The following RAD51B variants were observed in gnomAD, a reference collection of about 807,000 sequenced individuals.
RAD51B encodes RAD51 paralog B.
In RAD51B, 38 loss-of-function variants were observed where a neutral mutation model predicts 42.2. The observed-to-expected ratio is 0.90, with a 90% CI of 0.70 to 1.18. RAD51B has a LOEUF of 1.18. Among genes scored for constraint, RAD51B ranks in the 50% most tolerant of loss-of-function variants. The pLI is 0.00. For missense variants in RAD51B, 373 were observed against 400.7 expected (o/e 0.93, Z 0.59); for synonymous variants, 154 against 145.2 (o/e 1.06, Z -0.43).
intron 8 of RAD51B, among the ~76,000 whole-genome samples, chr14:68,408,975 A>G (rs536434521): frequency 6.6e-6 from 1 of 152,274 alleles, no homozygotes; most frequent in South Asian, 2.1e-4. Context: ...AGAGAAAAAA[A>G]AAATAGGTTA....
downstream of RAD51B, among the ~76,000 whole-genome samples, chr14:68,597,007 C>T (rs114333703): frequency 7.8e-3 from 1,186 of 152,278 alleles, 9 homozygotes; most frequent in African/African-American, 0.027. Flanking sequence ...TTAGAAAATT[C>T]GTTCCCTTGT....
chr14:68,239,476 CTACT>C (rs889185447), intron 7 of RAD51B, among the ~76,000 whole-genome samples: 1 of 152,198 alleles, frequency 6.6e-6, no homozygotes, highest in African/African-American at 2.4e-5. Flanking sequence ...GCCTCAGCCT[CTACT>C]TCCCAAAAAG....
At chr14:68,398,730 C>T (rs118157541) in intron 8 of RAD51B, among the ~76,000 whole-genome samples, 119 of 152,298 alleles carry the variant, frequency 7.8e-4, no homozygotes, top group Non-Finnish European at 1.4e-3. Context: ...GGCTAAAGGG[C>T]ATTCTCCAGA....
In RAD51B at chr14:68,315,716, G is replaced by A. The variant is rs367564980; in HGVS notation, c.853+23736G>A. ...TTTTTGTATTTTTAGTAGAGACAGG[G>A]TTTCACCATGTTAGCCAGGATAGTC... On this transcript the variant is annotated intron_variant, in intron 8 of 10. Transcript: ENST00000471583. 5.1e-3 allele frequency among the ~76,000 whole-genome samples: 782 copies of A among 152,176 alleles called. 10 individuals carry two copies. Among genetic ancestry groups the A allele is most frequent in the African/African-American group, 0.018 (750 of 41,506 alleles).
intron 7 of RAD51B, among the ~76,000 whole-genome samples, chr14:67,960,878 A>C (rs2074649859): frequency 6.6e-6 from 1 of 152,150 alleles, no homozygotes. Flanking sequence ...TTTGTGGCCC[A>C]GGCTGGTCTG....
intron 7 of RAD51B, among the ~76,000 whole-genome samples, chr14:68,289,630 C>A (rs1483820367): frequency 6.6e-6 from 1 of 151,896 alleles, no homozygotes. Context: ...AGGAGAAATG[C>A]TTGAACCTGG....
At chr14:67,947,684 A>T (rs542930356) in intron 7 of RAD51B, among the ~76,000 whole-genome samples, 29 of 152,314 alleles carry the variant, frequency 1.9e-4, no homozygotes, top group African/African-American at 6.5e-4. Flanking sequence ...TTGGGAGATG[A>T]CTTAAGAACA....
intron 7 of RAD51B, among the ~76,000 whole-genome samples, chr14:68,060,406 T>C (rs1003551739): frequency 3.9e-5 from 6 of 152,228 alleles, no homozygotes; most frequent in African/African-American, 7.2e-5. Context: ...TGCTTCCCAG[T>C]GAGCTGCAGC....
At chr14:67,969,855 G>A (rs2074862049) in intron 7 of RAD51B, among the ~76,000 whole-genome samples, 2 of 152,106 alleles carry the variant, frequency 1.3e-5, no homozygotes, top group Non-Finnish European at 2.9e-5. Flanking sequence ...TAATCAATTA[G>A]ACCACTAGTA....
At chr14:68,123,438 C>T (rs1176079360) in intron 7 of RAD51B, among the ~76,000 whole-genome samples, 1 of 152,076 alleles carries the variant, frequency 6.6e-6, no homozygotes, top group African/African-American at 2.4e-5. Context: ...GCAGTCTTCC[C>T]ACCTTGGCCT....
At chr14:68,122,519 G>A (rs997728329) in intron 7 of RAD51B, among the ~76,000 whole-genome samples, 46 of 152,128 alleles carry the variant, frequency 3.0e-4, no homozygotes, top group African/African-American at 1.1e-3. Flanking sequence ...TCATATTATT[G>A]AAGATAAAGA....
rs369795831 is a variant in RAD51B, at chr14:68,526,583, G to A, written c.1036+58333G>A. On this transcript the variant is annotated intron_variant, in intron 10 of 10. Coordinates refer to the RAD51B transcript ENST00000487270. ...GCTCCAGTGTGTCACAGCCAGATGAGTGATTGTTAGGGAAGACAAAGCCTG... is the reference window on the plus strand; with the variant it reads ...GCTCCAGTGTGTCACAGCCAGATGAATGATTGTTAGGGAAGACAAAGCCTG... Among the ~76,000 whole-genome samples, 15 of 152,330 alleles carry A rather than the reference G, an allele frequency of 9.8e-5. No individual in the cohort carries two copies. In the South Asian group the frequency reaches 2.9e-3, roughly 29 times the overall value.
intron 10 of RAD51B, among the ~76,000 whole-genome samples, chr14:68,607,371 G>A (rs1023132803): frequency 2.0e-5 from 3 of 152,158 alleles, no homozygotes; most frequent in African/African-American, 7.2e-5. Flanking sequence ...ATGGAAAAAT[G>A]CGTGGCAAAC....
Position 67,887,907 on chromosome 14 carries a change from T to C in RAD51B, c.756+703T>C, listed in dbSNP as rs567150227. ...CTCCCATCTGCAGTGTGTCAGGGAG[T>C]TTTAGTCGTTGTTCCACAGCCTCAT... On this transcript the variant is annotated intron_variant, in intron 7 of 10. Coordinates refer to ENST00000471583, the MANE Select transcript of RAD51B (RefSeq NM_133510.4). Among the ~76,000 whole-genome samples the C allele has an allele frequency of 6.6e-4, 100 of 152,130 alleles. No individual in the cohort carries two copies. The Middle Eastern group carries it at 0.031, about 47-fold the overall frequency.
At chr14:67,934,615 G>T (rs973779882) in intron 7 of RAD51B, among the ~76,000 whole-genome samples, 2 of 152,056 alleles carry the variant, frequency 1.3e-5, no homozygotes, top group Non-Finnish European at 2.9e-5. Flanking sequence ...TGTAGAGTAT[G>T]TTAAATAATA....
chr14:68,592,283 GTGTA>G lies in RAD51B; in HGVS notation c.1037-2198_1037-2195del, dbSNP rs758560517. Among the ~76,000 whole-genome samples the G allele has an allele frequency of 8.7e-4, 128 of 147,848 alleles. 1 individual carries two copies. The highest frequency in any genetic ancestry group is 3.1e-3 in the African/African-American group (122 of 39,642). On this transcript the variant is annotated intron_variant, in intron 10 of 10. Transcript: ENST00000487270. ...TGTGTGTGTGTGTGTGTGTGTGTGTGTGTATGTGTGTGTATCAAAGAGAGGAGTC... is the reference window on the plus strand; with the variant it reads ...TGTGTGTGTGTGTGTGTGTGTGTGTGTGTGTGTGTATCAAAGAGAGGAGTC...
At chr14:68,495,325 C>T (rs1428754474) in intron 10 of RAD51B, among the ~76,000 whole-genome samples, 2 of 152,106 alleles carry the variant, frequency 1.3e-5, no homozygotes, top group Non-Finnish European at 2.9e-5. Context: ...CCTTTGTCTT[C>T]CACTGGCGCA....
At chr14:68,546,409 G>A (rs1786935797) in intron 10 of RAD51B, among the ~76,000 whole-genome samples, 1 of 152,190 alleles carries the variant, frequency 6.6e-6, no homozygotes, top group Non-Finnish European at 1.5e-5. Flanking sequence ...AGGAGACAGG[G>A]TAGGAACCTT....
rs142988444 is a variant in RAD51B, at chr14:68,255,587, C to T, written c.757-36297C>T. On this transcript the variant is annotated intron_variant, in intron 7 of 10. Transcript: ENST00000471583. ...TACAGTCATTTCTTTGAGATTAGTT[C>T]GAAAGTATATATATTCATGGACAAA... 1.6e-4 allele frequency among the ~76,000 whole-genome samples: 24 copies of T among 152,236 alleles called. No individual in the cohort carries two copies. In the East Asian group the frequency reaches 2.1e-3, roughly 13 times the overall value.
Sources: gnomAD v4.1 joint callset for allele counts (sites outside exome capture counted in the v4.1 genomes callset) on GRCh38, gnomAD v4.1.1 for gene constraint, MANE v1.5 for transcripts, NCBI Gene and HGNC (gene_info 2026-07-23, HGNC 2026-07-21) for gene names.